The following CRYL1 variants were observed in gnomAD, a reference collection of about 807,000 sequenced individuals.
CRYL1 encodes the protein crystallin lambda 1.
CRYL1 carries 29 observed loss-of-function variants against 36.6 expected under a neutral mutation model. The ratio of observed to expected loss-of-function variants is 0.79; its 90% CI spans 0.59 to 1.08. The LOEUF (loss-of-function observed/expected upper bound fraction) is 1.08. CRYL1 is among the 50% of genes least tolerant of loss of function. The pLI is 0.00. For missense variants in CRYL1, 411 were observed against 407.9 expected (o/e 1.01, Z -0.06); for synonymous variants, 152 against 151.5 (o/e 1.00, Z -0.02).
At position 20,420,861 on chromosome 13, in the gene CRYL1, A is replaced by G. The variant is rs536278558; in HGVS notation, c.634-7474T>C. 5.9e-5 allele frequency among the ~76,000 whole-genome samples: 9 copies of G among 151,514 alleles called. No individual in the cohort carries two copies. The East Asian group carries it at 1.6e-3, about 26-fold the overall frequency. ...AGCGATTCTCCTGCCTCAGCCTCCC[A>G]AATAGCTGGGACTACAGGCCCGCCA... is the stretch of plus-strand genomic sequence containing the variant. On this transcript the variant is annotated intron_variant, in intron 5 of 7. Transcript: ENST00000298248.
intron 5 of CRYL1, among the ~76,000 whole-genome samples, chr13:20,419,861 C>G (rs550242406): frequency 2.0e-5 from 3 of 152,232 alleles, no homozygotes; most frequent in Admixed American, 2.0e-4. Flanking sequence ...TTGCTTCCCC[C>G]ACATGCAACA....
chr13:20,448,700 C>T (rs989897105), intron 3 of CRYL1, among the ~76,000 whole-genome samples: 1 of 152,184 alleles, frequency 6.6e-6, no homozygotes, highest in Non-Finnish European at 1.5e-5. Flanking sequence ...ACTTAGAATT[C>T]TATACCCAGC....
rs781125397 is a variant in CRYL1 at position 20,404,750 on chromosome 13, G to C, written c.740-9C>G. 9 of 1,552,148 alleles carry C rather than the reference G, an allele frequency of 5.8e-6. No individual in the cohort carries two copies. The highest frequency in any genetic ancestry group is 8.0e-6 in the Non-Finnish European group (9 of 1,125,344). On this transcript the variant is annotated splice_polypyrimidine_tract_variant and intron_variant, in intron 6 of 7. Transcript: ENST00000298248. The stretch of plus-strand genomic sequence containing the variant: ...GCAGTAGCTTAACATACCTGGAATT[G>C]TATGAAGACAAGAATCCACAATCTC...
intron 1 of CRYL1, chr13:20,515,631 A>G (rs2137514695): frequency 6.6e-6 from 1 of 152,270 alleles, no homozygotes; most frequent in Admixed American, 6.5e-5. Context: ...AAGAAACGAC[A>G]CATGCCACAA....
Position 20,432,312 on chromosome 13 carries a change from G to A in CRYL1, c.439-16C>T, listed in dbSNP as rs531621303. 18 of 1,583,050 alleles carry A rather than the reference G, an allele frequency of 1.1e-5. No individual in the cohort carries two copies. In the African/African-American group the frequency reaches 1.6e-4, roughly 14 times the overall value. Reference sequence around the variant, plus strand: ...GCGGATTCACCTTAGGAGAGAGAGAGAAGTGGGGGAGTCAAGGAGATGATC... The same window carrying A: ...GCGGATTCACCTTAGGAGAGAGAGAAAAGTGGGGGAGTCAAGGAGATGATC... On this transcript the variant is annotated splice_polypyrimidine_tract_variant and intron_variant, in intron 4 of 7. Coordinates refer to ENST00000298248, the MANE Select transcript of CRYL1 (RefSeq NM_015974.3).
At chr13:20,467,169 A>G (rs1007408622) in intron 3 of CRYL1, among the ~76,000 whole-genome samples, 39 of 149,426 alleles carry the variant, frequency 2.6e-4, no homozygotes, top group Non-Finnish European at 4.5e-4. Context: ...GGATGGTCTC[A>G]CTCTCCTGAC....
At chr13:20,483,228 A>G (rs2033313825) in intron 3 of CRYL1, among the ~76,000 whole-genome samples, 1 of 152,220 alleles carries the variant, frequency 6.6e-6, no homozygotes, top group Non-Finnish European at 1.5e-5. Context: ...GAGGTTCTGG[A>G]TATCCTAATA....
intron 3 of CRYL1, among the ~76,000 whole-genome samples, chr13:20,448,357 G>A (rs1196345606): frequency 2.2e-5 from 3 of 138,744 alleles, no homozygotes; most frequent in Non-Finnish European, 3.2e-5. Context: ...TAAAAGAAAC[G>A]GAATAGGACA....
chr13:20,468,753 A>G (rs2032994155), intron 3 of CRYL1, among the ~76,000 whole-genome samples: 1 of 152,092 alleles, frequency 6.6e-6, no homozygotes, highest in Non-Finnish European at 1.5e-5. Context: ...CTACAGGCAT[A>G]TACCGCCATG....
chr13:20,439,531 G>GAA (rs67447037), intron 4 of CRYL1, 62 bp downstream of exon 4: 82 of 495,338 alleles, frequency 1.7e-4, no homozygotes, highest in South Asian at 2.0e-4. Flanking sequence ...AAAAAAAAAA[G>GAA]AAAAAAAAAA....
rs75779739 is a variant in CRYL1, at chr13:20,489,170, T to C, written c.276+200A>G. 7.4e-4 allele frequency among the ~76,000 whole-genome samples: 112 copies of C among 152,324 alleles called. 1 individual carries two copies. The East Asian group carries it at 0.011, about 15-fold the overall frequency. On this transcript the variant is annotated intron_variant, in intron 3 of 7. Coordinates refer to ENST00000298248, the MANE Select transcript of CRYL1 (RefSeq NM_015974.3). The stretch of plus-strand genomic sequence containing the variant: ...GGCATTGGTCTCTTGAAACAGAACA[T>C]TGTCACGCTAGTTTGATGAGAACCC...
At chr13:20,488,881 C>T (rs761939625) in intron 3 of CRYL1, among the ~76,000 whole-genome samples, 2 of 152,180 alleles carry the variant, frequency 1.3e-5, no homozygotes, top group Non-Finnish European at 2.9e-5. Context: ...AGGCTCATCC[C>T]GCTGTGCAAA....
At chr13:20,427,482 T>C (rs1457337483) in intron 5 of CRYL1, among the ~76,000 whole-genome samples, 2 of 152,248 alleles carry the variant, frequency 1.3e-5, no homozygotes, top group East Asian at 3.9e-4. Flanking sequence ...TAGCCCAGGA[T>C]GCCACAAAGA....
At chr13:20,471,498 G>C (rs146313080) in intron 3 of CRYL1, among the ~76,000 whole-genome samples, 1 of 151,946 alleles carries the variant, frequency 6.6e-6, no homozygotes, top group Non-Finnish European at 1.5e-5. Flanking sequence ...CCAGCTACTC[G>C]GGAGGCTGAG....
intron 3 of CRYL1, among the ~76,000 whole-genome samples, chr13:20,459,235 CAAAAAAAAAA>C (rs61255031): frequency 1.3e-5 from 1 of 78,422 alleles, no homozygotes; most frequent in Non-Finnish European, 2.5e-5. Context: ...GACTCCATCT[CAAAAAAAAAA>C]AAAAAAAAAA....
chr13:20,424,262 C>T (rs949764973), intron 5 of CRYL1, among the ~76,000 whole-genome samples: 1 of 152,170 alleles, frequency 6.6e-6, no homozygotes, highest in African/African-American at 2.4e-5. Flanking sequence ...GTGATGTATC[C>T]GCTCTAACGA....
intron 3 of CRYL1, among the ~76,000 whole-genome samples, chr13:20,485,100 C>G (rs536144343): frequency 6.6e-6 from 1 of 152,284 alleles, no homozygotes; most frequent in Non-Finnish European, 1.5e-5. Context: ...TCACTGCAAC[C>G]TTTACCTCCT....
rs551166032 is a variant in CRYL1, at chr13:20,432,419, C to T, written c.439-123G>A. ...GGAATGGTGCCTTTAGATTCAGTGG[C>T]CAACAACAAGATACTTGAGAAAGAA... On this transcript the variant is annotated intron_variant, in intron 4 of 7. Coordinates refer to ENST00000298248, the MANE Select transcript of CRYL1 (RefSeq NM_015974.3). 1.9e-4 allele frequency: 110 copies of T among 589,992 alleles called. No homozygotes were observed. The African/African-American group carries it at 2.0e-3, about 11-fold the overall frequency. The allele number at this position is 589,992 out of a possible 1,614,324, so 36.5% of individuals were successfully genotyped here.
chr13:20,482,754 T>TGTGTGC (rs1565978979), intron 3 of CRYL1, among the ~76,000 whole-genome samples: 2 of 152,106 alleles, frequency 1.3e-5, no homozygotes, highest in South Asian at 4.2e-4. Flanking sequence ...TGTGTGTGTG[T>TGTGTGC]GTGCGCGCGT....
Sources: allele counts gnomAD v4.1 joint callset (sites outside exome capture counted in the v4.1 genomes callset), GRCh38; gene constraint gnomAD v4.1.1; transcripts MANE v1.5; gene names NCBI Gene and HGNC (gene_info 2026-07-23, HGNC 2026-07-21).